The following APLF variants were observed in gnomAD, a reference collection of about 807,000 sequenced individuals.
The protein encoded by APLF is aprataxin and PNKP like factor, also known as aprataxin and PNK-like factor.
APLF carries 61 observed loss-of-function variants against 55.6 expected under a neutral mutation model. That is an observed-to-expected ratio of 1.10 (90% confidence interval 0.89 to 1.36). The LOEUF is 1.36. APLF is among the 40% of genes most tolerant of loss of function. APLF has a pLI of 0.00. For synonymous variants in APLF, 207 were observed against 214.8 expected (o/e 0.96, Z 0.32); for missense variants, 611 against 602.5 (o/e 1.01, Z -0.15).
At chr2:68,563,424 C>T (rs72903927) in intron 8 of APLF, 25,208 of 902,892 alleles carry the variant, frequency 0.028, 1,944 homozygotes, top group African/African-American at 0.25. Flanking sequence ...TTGGTGGATG[C>T]AGATGGTGCA....
chr2:68,530,187 C>T (rs1295222235), intron 6 of APLF, among the ~76,000 whole-genome samples: 1 of 152,276 alleles, frequency 6.6e-6, no homozygotes, highest in Admixed American at 6.5e-5. Flanking sequence ...TGCGATTCCA[C>T]AGCTGGCGCT....
intron 1 of APLF, among the ~76,000 whole-genome samples, chr2:68,472,088 A>AGT (rs1189473464): frequency 6.6e-6 from 1 of 152,240 alleles, no homozygotes; most frequent in East Asian, 1.9e-4. Flanking sequence ...TCAAGACCTA[A>AGT]GATCAAAGGA....
rs187815718 is a variant in APLF at position 68,467,707 on chromosome 2, C to T, written c.-25C>T. Reference sequence around the variant, plus strand: ...AACAGCGGAGGGGCCAGTCTCCTGGCGAAGGGGCCTAATCCTTGCCCGCCA... The same window carrying T: ...AACAGCGGAGGGGCCAGTCTCCTGGTGAAGGGGCCTAATCCTTGCCCGCCA... On this transcript the variant is annotated 5_prime_UTR_variant, in exon 1 of 10. Transcript: ENST00000303795. 364 of 1,233,952 alleles carry T rather than the reference C, an allele frequency of 2.9e-4. 1 individual carries two copies. In the African/African-American group the frequency reaches 5.2e-3, roughly 18 times the overall value. The allele number at this position is 1,233,952 out of a possible 1,614,324, so 76.4% of individuals were successfully genotyped here.
intron 7 of APLF, among the ~76,000 whole-genome samples, chr2:68,538,602 G>A (rs761752824): frequency 1.5e-5 from 2 of 132,982 alleles, no homozygotes; most frequent in Non-Finnish European, 3.5e-5. Flanking sequence ...ATTTTAAGTT[G>A]TATTTAGGTG....
At chr2:68,478,958 T>A (rs1390471834) in intron 1 of APLF, among the ~76,000 whole-genome samples, 1 of 152,196 alleles carries the variant, frequency 6.6e-6, no homozygotes, top group Non-Finnish European at 1.5e-5. Flanking sequence ...ATCCTTTTTC[T>A]GAATTGGTTC....
Position 68,490,183 on chromosome 2 carries a change from T to G in APLF, c.97-7T>G. The G allele has an allele frequency of 6.3e-7, 1 of 1,576,204 alleles. No homozygotes were observed. The highest frequency in any genetic ancestry group is 8.6e-7 in the Non-Finnish European group (1 of 1,167,342). ...ATTCTTAATCTTTTAATTTTTTTACTGTATAGATAACAGACAAGAGAGTAT... is the reference window on the plus strand; with the variant it reads ...ATTCTTAATCTTTTAATTTTTTTACGGTATAGATAACAGACAAGAGAGTAT... On this transcript the variant is annotated splice_region_variant and splice_polypyrimidine_tract_variant and intron_variant, in intron 1 of 9. Transcript: ENST00000303795.
At chr2:68,516,467 G>A (rs894055089) in intron 5 of APLF, among the ~76,000 whole-genome samples, 4 of 150,748 alleles carry the variant, frequency 2.7e-5, no homozygotes, top group East Asian at 1.9e-4. Flanking sequence ...ACAGGTTTTT[G>A]TGAAACAGGT....
At chr2:68,470,164 A>G (rs908729950) in intron 1 of APLF, among the ~76,000 whole-genome samples, 1 of 152,246 alleles carries the variant, frequency 6.6e-6, no homozygotes, top group African/African-American at 2.4e-5. Flanking sequence ...GTTTTACAGC[A>G]GGATTAATCT....
At chr2:68,545,367 A>T (rs1670676827) in intron 8 of APLF, 55 bp downstream of exon 8, 1 of 1,552,980 alleles carries the variant, frequency 6.4e-7, no homozygotes, top group Non-Finnish European at 8.7e-7. Context: ...TCTGTTACTT[A>T]TCTAGGAGAA....
chr2:68,575,998 T>A (rs1671609989), intron 9 of APLF, among the ~76,000 whole-genome samples: 1 of 152,104 alleles, frequency 6.6e-6, no homozygotes, highest in African/African-American at 2.4e-5. Context: ...GAGATTAGGA[T>A]GATGAGGAAA....
intron 5 of APLF, among the ~76,000 whole-genome samples, chr2:68,517,527 T>A (rs1009004281): frequency 2.8e-5 from 4 of 141,930 alleles, no homozygotes; most frequent in Admixed American, 7.3e-5. Flanking sequence ...TATATCAATA[T>A]ATGTTATTAA....
chr2:68,574,889 T>G (rs1175340400), intron 9 of APLF, among the ~76,000 whole-genome samples: 7 of 152,178 alleles, frequency 4.6e-5, no homozygotes, highest in Admixed American at 3.9e-4. Flanking sequence ...CTAAAGATGT[T>G]CAGTAGTTGA....
At chr2:68,561,799 G>C (rs1218023044) in intron 8 of APLF, among the ~76,000 whole-genome samples, 1 of 151,996 alleles carries the variant, frequency 6.6e-6, no homozygotes, top group Non-Finnish European at 1.5e-5. Context: ...CAGAAAAACT[G>C]TTTTTCAAAG....
At chr2:68,543,981 CTTTTT>C (rs71395974) in intron 7 of APLF, among the ~76,000 whole-genome samples, 3 of 128,950 alleles carry the variant, frequency 2.3e-5, no homozygotes, top group Admixed American at 7.7e-5. Context: ...ATTGTATTTT[CTTTTT>C]TTTTTTTTTT....
chr2:68,487,725 C>T (rs930907360), intron 1 of APLF, among the ~76,000 whole-genome samples: 2 of 151,974 alleles, frequency 1.3e-5, no homozygotes, highest in East Asian at 1.9e-4. Flanking sequence ...GTATATCAAT[C>T]GTGACATTAA....
At chr2:68,494,295 A>T (rs1490301576) in intron 2 of APLF, among the ~76,000 whole-genome samples, 1 of 150,936 alleles carries the variant, frequency 6.6e-6, no homozygotes, top group Non-Finnish European at 1.5e-5. Flanking sequence ...AAAAAAAAAA[A>T]AAAAAAAGAA....
At chr2:68,482,406 T>G (rs1017398494) in intron 1 of APLF, among the ~76,000 whole-genome samples, 1 of 152,038 alleles carries the variant, frequency 6.6e-6, no homozygotes, top group Non-Finnish European at 1.5e-5. Context: ...GCTGTGGAAG[T>G]GTGTGGTGGT....
At chr2:68,563,963 C>T (rs1481395085) in intron 8 of APLF, among the ~76,000 whole-genome samples, 1 of 151,884 alleles carries the variant, frequency 6.6e-6, no homozygotes, top group African/African-American at 2.4e-5. Context: ...ACTAGTCTTG[C>T]CTGCTTTTTA....
chr2:68,563,953 A>T (rs750094440), intron 8 of APLF, among the ~76,000 whole-genome samples: 6 of 152,106 alleles, frequency 3.9e-5, no homozygotes, highest in African/African-American at 7.2e-5. Flanking sequence ...ATTTCAGTGT[A>T]CTAGTCTTGC....
Sources: allele counts gnomAD v4.1 joint callset (sites outside exome capture counted in the v4.1 genomes callset), GRCh38; gene constraint gnomAD v4.1.1; transcripts MANE v1.5; gene names NCBI Gene and HGNC (gene_info 2026-07-23, HGNC 2026-07-21).